CTNND1: variants seen among roughly 807,000 people sequenced by gnomAD.
CTNND1 encodes catenin delta-1.
CTNND1 carries 16 observed loss-of-function variants against 112.1 expected under a neutral mutation model. The ratio of observed to expected loss-of-function variants is 0.14; its 90% confidence interval spans 0.10 to 0.22. The LOEUF (loss-of-function observed/expected upper bound fraction) is 0.22, where lower values mean the gene tolerates loss of function less well. Among genes scored for constraint, CTNND1 ranks in the 10% least tolerant of loss-of-function variants. The pLI, the probability that CTNND1 is intolerant of heterozygous loss-of-function variation, is 1.00. For synonymous variants in CTNND1, 420 were observed against 446.5 expected, an observed-to-expected ratio of 0.94 and a Z score of 0.75; for missense variants, 1,008 against 1,257.0, an observed-to-expected ratio of 0.80 and a Z score of 3.00.
At chr11:57,811,351 G>T (rs755628233) in intron 16 of CTNND1, 48 bp from the exon 17 acceptor site, 1 of 1,469,654 alleles carries the variant, frequency 6.8e-7, no homozygotes, top group Non-Finnish European at 9.5e-7. Flanking sequence ...CATAAGATAG[G>T]GTGAATTCAG....
At chr11:57,804,006 G>T (rs2062341114) in intron 8 of CTNND1, 1 of 424,424 alleles carries the variant, frequency 2.4e-6, no homozygotes, top group Admixed American at 4.1e-5. Flanking sequence ...TTTTCTTGCT[G>T]TTCCCCACAC....
chr11:57,805,287 C>T (rs2062521626), intron 9 of CTNND1, among the ~76,000 whole-genome samples: 1 of 151,958 alleles, frequency 6.6e-6, no homozygotes, highest in Non-Finnish European at 1.5e-5. Flanking sequence ...TGGCTCTGTC[C>T]CAGGCTGGAG....
In CTNND1 at chr11:57,791,620, C is replaced by T. The variant is rs2060755969; in HGVS notation, c.142C>T (p.Pro48Ser). The T allele has an allele frequency of 2.5e-6, 4 of 1,603,534 alleles. No individual in the cohort carries two copies. Among genetic ancestry groups the T allele is most frequent in the Non-Finnish European group, 3.4e-6 (4 of 1,174,464 alleles). ...SAQLERVRVS[P>S]QDANPLMANG... is the part of the protein sequence containing the mutation. ...GCAGCTGGAACGCGTCCGGGTCTCACCACAAGATGCCAACCCACTCATGGC... is the reference window on the plus strand; with the variant it reads ...GCAGCTGGAACGCGTCCGGGTCTCATCACAAGATGCCAACCCACTCATGGC... Residue 48 changes from proline to serine, a missense_variant, in exon 3 of 21, where the codon CCA (proline) becomes TCA (serine). Around this residue, in one of 5 missense-constraint regions of CTNND1, gnomAD observed 404 missense variants for 457.9 expected, o/e 0.88. Coordinates refer to ENST00000399050, the MANE Select transcript of CTNND1 (RefSeq NM_001085458.2).
chr11:57,762,209 T>C (rs1306737335), intron 1 of CTNND1, 90 bp downstream of exon 1: 1 of 554,398 alleles, frequency 1.8e-6, no homozygotes, highest in Non-Finnish European at 2.3e-6. Flanking sequence ...TTCAGTACTT[T>C]GGCGGGGGAG....
At chr11:57,777,109 T>TAAG (rs1214461981) in intron 1 of CTNND1, among the ~76,000 whole-genome samples, 1 of 152,196 alleles carries the variant, frequency 6.6e-6, no homozygotes, top group Non-Finnish European at 1.5e-5. Context: ...CCATGCCAAG[T>TAAG]AAGAGACTGT....
At position 57,806,842 on chromosome 11, in the gene CTNND1, A is replaced by G. The variant is rs557830326; in HGVS notation, c.1895-73A>G. On this transcript the variant is annotated intron_variant, in intron 11 of 20. Coordinates refer to ENST00000399050, the MANE Select transcript of CTNND1 (RefSeq NM_001085458.2). The stretch of plus-strand genomic sequence containing the variant: ...TCAAAAGGTTCTGACTGAAGGATGA[A>G]AAATGTGCCAGGTGGAATCTTTTCT... 3.9e-4 allele frequency: 524 copies of G among 1,326,902 alleles called. 9 individuals are homozygous for G. In the South Asian group the frequency reaches 6.3e-3, roughly 16 times the overall value. The allele number at this position is 1,326,902 out of a possible 1,614,324, so 82.2% of individuals were successfully genotyped here.
chr11:57,795,487 T>C, intron 4 of CTNND1, 90 bp from the exon 5 acceptor site: 1 of 1,417,256 alleles, frequency 7.1e-7, no homozygotes, highest in Non-Finnish European at 9.5e-7. Flanking sequence ...AGTCCCTGTC[T>C]CCAGGTTTAC....
Position 57,815,391 on chromosome 11 carries a change from C to A in CTNND1, c.2702-3C>A. On this transcript the variant is annotated splice_polypyrimidine_tract_variant and splice_region_variant and intron_variant, in intron 18 of 20. Transcript: ENST00000399050. The stretch of plus-strand genomic sequence containing the variant: ...TTCTGTGTACTTTTTTTTTTTTAAC[C>A]AGATAACAACTATTCCACACCAAAT... 6.5e-7 allele frequency: 1 copy of A among 1,547,206 alleles called. No homozygotes were observed. The highest frequency in any genetic ancestry group is 8.7e-7 in the Non-Finnish European group (1 of 1,147,430).
At chr11:57,806,713 A>G (rs978070482) in intron 11 of CTNND1, 3 of 629,780 alleles carry the variant, frequency 4.8e-6, no homozygotes, top group Non-Finnish European at 8.5e-6. Context: ...GGTCATCCTC[A>G]TCTTACCTAT....
chr11:57,788,916 A>C lies in CTNND1; in HGVS notation c.-213-121A>C, dbSNP rs921977207. The C allele has an allele frequency of 3.9e-6, 3 of 769,412 alleles. No homozygotes were observed. The African/African-American group carries it at 5.2e-5, about 13-fold the overall frequency. The allele number at this position is 769,412 out of a possible 1,614,324, so 47.7% of individuals were successfully genotyped here. On this transcript the variant is annotated intron_variant, in intron 1 of 20. Transcript: ENST00000399050. The surrounding 1 kb of genome is among the most constrained non-coding windows in gnomAD (Gnocchi z 4.1). ...GGCACTTGTCACATTAAGCAATTCC[A>C]AGTCATATTTTAAATTACTTCCTTT... is the stretch of plus-strand genomic sequence containing the variant.
chr11:57,783,823 C>G lies in CTNND1; in HGVS notation c.-213-5214C>G, dbSNP rs551986765. Among the ~76,000 whole-genome samples the G allele has an allele frequency of 1.8e-3, 271 of 152,282 alleles. 1 individual carries two copies. Among genetic ancestry groups the G allele is most frequent in the Non-Finnish European group, 2.7e-3 (186 of 68,028 alleles). On this transcript the variant is annotated intron_variant, in intron 1 of 20. Transcript: ENST00000399050. ...TTTTAGGTATCTGAAGGGCCCCTTT[C>G]TGGCTTGAATGTTATGTAATACAGT...
chr11:57,795,642 C>T lies in CTNND1; in HGVS notation c.333C>T (p.Thr111=). ...RMQEPGQIVE[T]YTEEDPEGAM... is the part of the protein sequence containing the mutation. ...AGGAGCCGGGGCAGATTGTGGAGAC[C>T]TACACGGAGGAGGATCCTGAGGGAG... Residue 111 remains threonine (T), a synonymous_variant, in exon 5 of 21, where the codon ACC becomes ACT. Coordinates refer to ENST00000399050, the MANE Select transcript of CTNND1 (RefSeq NM_001085458.2). The T allele has an allele frequency of 6.2e-7, 1 of 1,610,384 alleles. No homozygotes were observed. The highest frequency in any genetic ancestry group is 8.5e-7 in the Non-Finnish European group (1 of 1,178,378).
intron 9 of CTNND1, 45 bp downstream of exon 9, chr11:57,804,825 C>A: frequency 7.3e-7 from 1 of 1,372,966 alleles, no homozygotes; most frequent in Non-Finnish European, 1.0e-6. Context: ...TTTCATTCAC[C>A]ACAACTATGA....
chr11:57,809,778 G>A (rs2063116852), intron 15 of CTNND1, among the ~76,000 whole-genome samples: 1 of 152,146 alleles, frequency 6.6e-6, no homozygotes, highest in South Asian at 2.1e-4. Flanking sequence ...GTGCAGTGGC[G>A]CAGTCTCTGC....
At chr11:57,804,892 A>G (rs1243581610) in intron 9 of CTNND1, 112 bp downstream of exon 9, 8 of 761,752 alleles carry the variant, frequency 1.1e-5, no homozygotes, top group East Asian at 2.8e-5. Flanking sequence ...TTAAATATTT[A>G]TACTGTCCCC....
At chr11:57,782,823 AT>A (rs2059717805) in intron 1 of CTNND1, among the ~76,000 whole-genome samples, 1 of 152,254 alleles carries the variant, frequency 6.6e-6, no homozygotes, top group East Asian at 1.9e-4. Flanking sequence ...GGAGAAGGCC[AT>A]ATCCAGAATA....
intron 14 of CTNND1, among the ~76,000 whole-genome samples, chr11:57,808,958 ACT>A (rs1452237463): frequency 1.3e-5 from 2 of 152,104 alleles, no homozygotes; most frequent in African/African-American, 4.8e-5. Flanking sequence ...ATTCATAATA[ACT>A]CTTCTATTAA....
At chr11:57,769,134 C>T (rs1236734221) in intron 1 of CTNND1, among the ~76,000 whole-genome samples, 1 of 151,152 alleles carries the variant, frequency 6.6e-6, no homozygotes, top group African/African-American at 2.4e-5. Flanking sequence ...TGGTGAAAAC[C>T]TGTCTCTACT....
In CTNND1 at chr11:57,810,131, C is replaced by G; in HGVS notation, c.2458C>G (p.Arg820Gly). 1 of 1,609,976 alleles carries G rather than the reference C, an allele frequency of 6.2e-7. No homozygotes were observed. The stretch of plus-strand genomic sequence containing the variant: ...AAGGAACCGCTCAGAAAAAGAAGTT[C>G]GAGCAGCAGCACTTGTATTACAGAC... ...KSGNRSEKEV[R>G]AAALVLQTIW... The change falls in exon 16 of 21, where the codon CGA becomes GGA. Residue 820 changes from arginine to glycine, a missense_variant. By Grantham distance (125) the Arg-to-Gly change is moderately radical (BLOSUM62 -2). Coordinates refer to ENST00000399050, the MANE Select transcript of CTNND1 (RefSeq NM_001085458.2).
Sources: allele counts gnomAD v4.1 joint callset (sites outside exome capture counted in the v4.1 genomes callset), GRCh38; gene constraint gnomAD v4.1.1; regional missense constraint gnomAD v4.1.1; non-coding constraint Gnocchi (gnomAD v3.1); transcripts MANE v1.5; gene names NCBI Gene and HGNC (gene_info 2026-07-23, HGNC 2026-07-21).